Variants in LARGE1 observed in about 807,000 individuals in gnomAD.
LARGE1 encodes the protein LARGE xylosyl- and glucuronyltransferase 1.
A neutral mutation model predicts 87.6 loss-of-function variants in LARGE1; 43 were observed. That is an observed-to-expected ratio of 0.49 (90% confidence interval 0.38 to 0.63). The LOEUF is 0.63. LARGE1 is among the 30% of genes least tolerant of loss of function. The probability of loss-of-function intolerance (pLI) is 0.00; values close to 1 mark genes in which losing one functional copy is unlikely to be tolerated. For synonymous variants in LARGE1, 434 were observed against 394.6 expected, an observed-to-expected ratio of 1.10 and a Z score of -1.18; for missense variants, 802 against 1,000.2, an observed-to-expected ratio of 0.80 and a Z score of 2.67.
chr22:33,898,716 T>G (rs553451122), intron 1 of LARGE1, among the ~76,000 whole-genome samples: 1 of 152,280 alleles, frequency 6.6e-6, no homozygotes, highest in East Asian at 1.9e-4. Flanking sequence ...ATTGTGCCAT[T>G]GCACTCCAGC....
chr22:33,637,539 TCAG>T (rs2080304782), intron 3 of LARGE1, among the ~76,000 whole-genome samples: 1 of 152,120 alleles, frequency 6.6e-6, no homozygotes, highest in Non-Finnish European at 1.5e-5. Context: ...CCAATGGAAT[TCAG>T]CAGAAGTAAT....
intron 1 of LARGE1, among the ~76,000 whole-genome samples, chr22:33,880,160 T>C (rs1483132774): frequency 1.3e-5 from 2 of 152,242 alleles, no homozygotes; most frequent in Non-Finnish European, 2.9e-5. Context: ...CTCTTATTTC[T>C]GCAAGCATTT....
chr22:33,719,889 T>C (rs113111263), intron 2 of LARGE1, among the ~76,000 whole-genome samples: 7,100 of 152,208 alleles, frequency 0.047, 265 homozygotes, highest in South Asian at 0.19. Flanking sequence ...TGTGTTACAA[T>C]TGCCTCCGGT....
At chr22:33,320,615 G>A (rs1358404207) in intron 10 of LARGE1, among the ~76,000 whole-genome samples, 1 of 152,118 alleles carries the variant, frequency 6.6e-6, no homozygotes, top group Admixed American at 6.5e-5. Flanking sequence ...AATATTTGCT[G>A]TATACAAAAA....
intron 5 of LARGE1, among the ~76,000 whole-genome samples, chr22:33,592,896 G>A (rs998085230): frequency 2.0e-5 from 3 of 152,022 alleles, no homozygotes; most frequent in African/African-American, 7.2e-5. Context: ...CTGGAGTGCA[G>A]TGGCGTGACC....
intron 7 of LARGE1, among the ~76,000 whole-genome samples, chr22:33,416,627 G>A (rs902686241): frequency 4.6e-5 from 7 of 151,738 alleles, no homozygotes; most frequent in African/African-American, 7.3e-5. Context: ...TTTTTGAGAC[G>A]GAGTCTCGCA....
At chr22:33,834,782 A>T (rs1225510329) in intron 1 of LARGE1, among the ~76,000 whole-genome samples, 1 of 152,182 alleles carries the variant, frequency 6.6e-6, no homozygotes, top group Non-Finnish European at 1.5e-5. Context: ...AGATGAACAA[A>T]ATTTTCTTTT....
chr22:33,608,803 T>C (rs902765228), intron 4 of LARGE1, among the ~76,000 whole-genome samples: 26 of 152,196 alleles, frequency 1.7e-4, no homozygotes, highest in African/African-American at 6.3e-4. Flanking sequence ...ACTGAGTGAC[T>C]GTAAGCAAGT....
rs538298957 is a variant in LARGE1, at chr22:33,885,794, G to A, written c.-83+34201C>T. ...ACCTGTAATCCTAACACTTTGGGAG[G>A]CCGAGGCAGGTGGATCACTTAAGGC... On this transcript the variant is annotated intron_variant, in intron 1 of 14. Coordinates refer to ENST00000397394, the MANE Select transcript of LARGE1 (RefSeq NM_133642.5). Among the ~76,000 whole-genome samples the A allele has an allele frequency of 7.9e-5, 12 of 152,284 alleles. No homozygotes were observed. In the South Asian group the frequency reaches 2.3e-3, roughly 29 times the overall value.
chr22:33,428,635 G>C (rs1352646367), intron 7 of LARGE1, among the ~76,000 whole-genome samples: 7 of 145,486 alleles, frequency 4.8e-5, no homozygotes, highest in Admixed American at 4.7e-4. Flanking sequence ...AAAAAAGAGA[G>C]AGAACTGCTG....
At chr22:33,485,545 TA>T (rs2148241045) in intron 6 of LARGE1, among the ~76,000 whole-genome samples, 1 of 152,282 alleles carries the variant, frequency 6.6e-6, no homozygotes, top group East Asian at 1.9e-4. Flanking sequence ...ATTTAGGAAA[TA>T]AAAATATGCA....
At chr22:33,823,860 G>C (rs1228327903) in intron 1 of LARGE1, among the ~76,000 whole-genome samples, 1 of 152,100 alleles carries the variant, frequency 6.6e-6, no homozygotes, top group African/African-American at 2.4e-5. Flanking sequence ...GGCACGTCTC[G>C]ATACAGGGCT....
intron 11 of LARGE1, among the ~76,000 whole-genome samples, chr22:33,214,631 C>T (rs137452): frequency 0.37 from 56,663 of 151,566 alleles, 15,024 homozygotes; most frequent in African/African-American, 0.76. Flanking sequence ...ACTCTTCTAT[C>T]TGCTCTGCCT....
intron 2 of LARGE1, among the ~76,000 whole-genome samples, chr22:33,752,570 T>C (rs1490047384): frequency 6.6e-6 from 1 of 152,216 alleles, no homozygotes; most frequent in African/African-American, 2.4e-5. Context: ...TACATCTAAA[T>C]ACAGTGCCTT....
At chr22:33,905,214 C>A (rs900675371) in intron 1 of LARGE1, among the ~76,000 whole-genome samples, 2 of 151,814 alleles carry the variant, frequency 1.3e-5, no homozygotes, top group Admixed American at 1.3e-4. Context: ...CAGGCATGCA[C>A]CAGGATGCCC....
chr22:33,693,306 C>T (rs2082147811), intron 2 of LARGE1, among the ~76,000 whole-genome samples: 1 of 151,864 alleles, frequency 6.6e-6, no homozygotes, highest in South Asian at 2.1e-4. Context: ...ATGTACACTA[C>T]TTGGGTGACA....
chr22:33,649,395 A>C (rs997259032), intron 3 of LARGE1, among the ~76,000 whole-genome samples: 5 of 152,222 alleles, frequency 3.3e-5, no homozygotes, highest in Non-Finnish European at 7.3e-5. Flanking sequence ...TTTATTCCAG[A>C]AAATGGAATA....
At chr22:33,202,625 A>T (rs982032510) in intron 11 of LARGE1, among the ~76,000 whole-genome samples, 1 of 152,216 alleles carries the variant, frequency 6.6e-6, no homozygotes, top group Non-Finnish European at 1.5e-5. Context: ...TACAGTGCAG[A>T]TTGACAGTAG....
Position 33,666,656 on chromosome 22 carries a change from G to A in LARGE1, c.107-15988C>T, listed in dbSNP as rs978581707. Among the ~76,000 whole-genome samples the A allele has an allele frequency of 1.5e-4, 23 of 152,194 alleles. 2 individuals are homozygous for A. Among genetic ancestry groups the A allele is most frequent in the Admixed American group, 1.4e-3 (21 of 15,284 alleles). ...CAGACAGGAGAAGTGACACACAGGA[G>A]GAATCAGAAATCTTTTTCTGCAACC... On this transcript the variant is annotated intron_variant, in intron 2 of 14. Transcript: ENST00000397394.
Sources: allele counts gnomAD v4.1 joint callset (sites outside exome capture counted in the v4.1 genomes callset), GRCh38; gene constraint gnomAD v4.1.1; transcripts MANE v1.5; gene names NCBI Gene and HGNC (gene_info 2026-07-23, HGNC 2026-07-21).